GRIK4: variants seen among roughly 807,000 people sequenced by gnomAD.
The protein encoded by GRIK4 is glutamate receptor ionotropic, kainate 4.
A neutral mutation model predicts 104.9 loss-of-function variants in GRIK4; 40 were observed. That is an observed-to-expected ratio of 0.38 (90% confidence interval 0.30 to 0.50). The LOEUF (loss-of-function observed/expected upper bound fraction) is 0.50. GRIK4 is among the 20% of genes least tolerant of loss of function. The probability of loss-of-function intolerance (pLI) is 0.93; values close to 1 mark genes in which losing one functional copy is unlikely to be tolerated. For missense variants in GRIK4, 1,047 were observed against 1,308.1 expected (o/e 0.80, Z 3.08); for synonymous variants, 485 against 524.9 (o/e 0.92, Z 1.04).
rs35993230 is a variant in GRIK4, at chr11:120,551,778, AAAATAAATAAATAAAT to A, written c.-159+39907_-159+39922del. ...CCTGGGAAACAGAGTGAGACTCTGT[AAAATAAATAAATAAAT>A]AAATAAATAAATAAAATTTTATGTG... On this transcript the variant is annotated intron_variant, in intron 1 of 20. Coordinates refer to ENST00000527524, the MANE Select transcript of GRIK4 (RefSeq NM_014619.5). Among the ~76,000 whole-genome samples, 3 of 150,258 alleles carry A rather than the reference AAAATAAATAAATAAAT, an allele frequency of 2.0e-5. No individual in the cohort carries two copies. In the East Asian group the frequency reaches 5.8e-4, roughly 29 times the overall value.
Position 120,862,119 on chromosome 11 carries a change from C to T in GRIK4, c.905C>T (p.Ala302Val), listed in dbSNP as rs374772592. Residue 302 changes from alanine (A) to valine (V), a missense_variant and splice_region_variant, in exon 9 of 21, where the codon GCG becomes GTG. Ala to Val is a moderately conservative substitution (Grantham distance 64). Around this residue, in one of 3 missense-constraint regions of GRIK4, gnomAD observed 447 missense variants for 514.9 expected, o/e 0.87. Coordinates refer to ENST00000527524, the MANE Select transcript of GRIK4 (RefSeq NM_014619.5). ...NCDHVPFTGPALSSALLFDAV... is the reference protein window; with the variant it reads ...NCDHVPFTGPVLSSALLFDAV... ...GACCATGTGCCCTTCACTGGGCCTG[C>T]GGTAAGTACCCGCCAGAGCTCTTCC... 2.5e-5 allele frequency: 41 copies of T among 1,613,022 alleles called. No homozygotes were observed. The highest frequency in any genetic ancestry group is 1.5e-4 in the African/African-American group (11 of 75,026).
intron 1 of GRIK4, among the ~76,000 whole-genome samples, chr11:120,610,850 T>C (rs527643761): frequency 6.6e-6 from 1 of 152,292 alleles, no homozygotes. Flanking sequence ...TTATGCCTAG[T>C]GAGTCACAAG....
At chr11:120,756,157 C>T (rs967566638) in intron 3 of GRIK4, among the ~76,000 whole-genome samples, 2 of 152,192 alleles carry the variant, frequency 1.3e-5, no homozygotes, top group African/African-American at 4.8e-5. Context: ...TATGGCATTG[C>T]TGTTGCAACG....
chr11:120,945,358 C>G (rs563095739), intron 14 of GRIK4, among the ~76,000 whole-genome samples: 1 of 152,328 alleles, frequency 6.6e-6, no homozygotes, highest in East Asian at 1.9e-4. Flanking sequence ...GTTTATCTAT[C>G]TCTCCCTTTG....
chr11:120,584,906 A>G (rs1236925849), intron 1 of GRIK4, among the ~76,000 whole-genome samples: 2 of 152,160 alleles, frequency 1.3e-5, no homozygotes, highest in African/African-American at 4.8e-5. Context: ...GATAAAGCCT[A>G]CTTGATCATG....
Position 120,616,467 on chromosome 11 carries a change from A to G in GRIK4, c.-158-37218A>G, listed in dbSNP as rs59180460. Among the ~76,000 whole-genome samples the G allele has an allele frequency of 9.6e-3, 1,458 of 152,332 alleles. 17 individuals carry two copies. Among genetic ancestry groups the G allele is most frequent in the East Asian group, 0.061 (314 of 5,178 alleles). ...TGACAGACATGTTCCTTAGGGAGCCATTATCTTCAGACGGAAGCTGGATAC... is the reference window on the plus strand; with the variant it reads ...TGACAGACATGTTCCTTAGGGAGCCGTTATCTTCAGACGGAAGCTGGATAC... On this transcript the variant is annotated intron_variant, in intron 1 of 20. Coordinates refer to ENST00000527524, the MANE Select transcript of GRIK4 (RefSeq NM_014619.5).
intron 3 of GRIK4, among the ~76,000 whole-genome samples, chr11:120,739,735 C>T (rs936614518): frequency 6.6e-6 from 1 of 152,224 alleles, no homozygotes; most frequent in Non-Finnish European, 1.5e-5. Flanking sequence ...GAGTGTGTGT[C>T]TCGGACTTTC....
At chr11:120,595,717 TGTAG>T (rs1283860157) in intron 1 of GRIK4, among the ~76,000 whole-genome samples, 13 of 152,378 alleles carry the variant, frequency 8.5e-5, no homozygotes, top group African/African-American at 3.1e-4. Flanking sequence ...CCCACTCTTC[TGTAG>T]GTCTCAGCTG....
At chr11:120,601,653 T>G (rs1156870561) in intron 1 of GRIK4, among the ~76,000 whole-genome samples, 4 of 149,536 alleles carry the variant, frequency 2.7e-5, no homozygotes, top group Non-Finnish European at 4.5e-5. Flanking sequence ...TGTGGTTTTT[T>G]TTTTTTTTTT....
At chr11:120,710,780 G>A (rs1950718689) in intron 3 of GRIK4, among the ~76,000 whole-genome samples, 1 of 152,216 alleles carries the variant, frequency 6.6e-6, no homozygotes, top group Admixed American at 6.5e-5. Flanking sequence ...AGCAGAGTAA[G>A]CTGTTGCTGC....
At position 120,802,794 on chromosome 11, in the gene GRIK4, G is replaced by C; in HGVS notation, c.184G>C (p.Ala62Pro). Residue 62 changes from alanine (A) to proline (P), a missense_variant, in exon 4 of 21, where the codon GCC (alanine) becomes CCC (proline). Around this residue, in one of 3 missense-constraint regions of GRIK4, gnomAD observed 447 missense variants for 514.9 expected, o/e 0.87. Coordinates refer to ENST00000527524, the MANE Select transcript of GRIK4 (RefSeq NM_014619.5). ...CCGCGCTCCTGAGAGGCTGGGCAAG[G>C]CCAAGGTCGAAGTGGACATCTTTGA... ...INRAPERLGK[A>P]KVEVDIFELL... 6.2e-7 allele frequency: 1 copy of C among 1,614,202 alleles called. No individual in the cohort carries two copies.
chr11:120,856,587 C>G (rs1026130314), intron 8 of GRIK4, among the ~76,000 whole-genome samples: 2 of 152,130 alleles, frequency 1.3e-5, no homozygotes, highest in African/African-American at 4.8e-5. Flanking sequence ...GAGGCTGTCT[C>G]TGAAGTTTCT....
intron 1 of GRIK4, among the ~76,000 whole-genome samples, chr11:120,632,480 C>G (rs1949344232): frequency 6.6e-6 from 1 of 152,092 alleles, no homozygotes; most frequent in African/African-American, 2.4e-5. Flanking sequence ...CCTGTATTGT[C>G]AGGCTGGACC....
intron 1 of GRIK4, among the ~76,000 whole-genome samples, chr11:120,639,093 G>T (rs913494054): frequency 1.3e-5 from 2 of 152,092 alleles, no homozygotes; most frequent in African/African-American, 4.8e-5. Flanking sequence ...CCACTCAGGA[G>T]TGGAGGCAGG....
intron 12 of GRIK4, among the ~76,000 whole-genome samples, chr11:120,900,862 G>A (rs1465701476): frequency 6.6e-6 from 1 of 152,222 alleles, no homozygotes; most frequent in Non-Finnish European, 1.5e-5. Context: ...AAAGATGAGA[G>A]GGTTGCGGTG....
intron 1 of GRIK4, among the ~76,000 whole-genome samples, chr11:120,561,446 A>G (rs1159880949): frequency 6.6e-6 from 1 of 152,162 alleles, no homozygotes; most frequent in Non-Finnish European, 1.5e-5. Flanking sequence ...AGGAAGCAAC[A>G]TGGCGCTGGT....
chr11:120,886,761 C>T (rs192760545), intron 11 of GRIK4, among the ~76,000 whole-genome samples: 41 of 152,286 alleles, frequency 2.7e-4, no homozygotes, highest in Admixed American at 2.4e-3. Flanking sequence ...CTACAGTGGC[C>T]CTTTCTCTGC....
chr11:120,591,198 G>C (rs2135112827), intron 1 of GRIK4, among the ~76,000 whole-genome samples: 1 of 151,548 alleles, frequency 6.6e-6, no homozygotes, highest in Middle Eastern at 3.4e-3. Flanking sequence ...AGGTACCCAG[G>C]TGGTGTCTCC....
At chr11:120,879,999 A>G (rs191240082) in intron 11 of GRIK4, among the ~76,000 whole-genome samples, 1 of 152,354 alleles carries the variant, frequency 6.6e-6, no homozygotes. Context: ...TTAGTGCTGT[A>G]ATAAGATGAG....
Sources: allele counts gnomAD v4.1 joint callset (sites outside exome capture counted in the v4.1 genomes callset), GRCh38; gene constraint gnomAD v4.1.1; regional missense constraint gnomAD v4.1.1; transcripts MANE v1.5; gene names NCBI Gene and HGNC (gene_info 2026-07-23, HGNC 2026-07-21).